Variants in NCOA2 observed in about 807,000 individuals in gnomAD.
The protein encoded by NCOA2 is nuclear receptor coactivator 2.
A neutral mutation model predicts 145.1 loss-of-function variants in NCOA2; 21 were observed. That is an observed-to-expected ratio of 0.14 (90% CI 0.10 to 0.21). NCOA2 has a LOEUF of 0.21. Ranked by LOEUF, NCOA2 falls within the 10% of genes least tolerant of loss-of-function variation. The pLI is 1.00. For missense variants in NCOA2, 1,472 were observed against 1,837.6 expected (o/e 0.80, Z 3.64); for synonymous variants, 619 against 637.5 (o/e 0.97, Z 0.44).
At chr8:70,407,416 A>G (rs144061859), upstream of NCOA2, among the ~76,000 whole-genome samples, 7 of 152,280 alleles carry the variant, frequency 4.6e-5, no homozygotes, top group Middle Eastern at 3.4e-3. Context: ...AATTAATGCA[A>G]AGTCATAGAA....
intron 22 of NCOA2, among the ~76,000 whole-genome samples, chr8:70,118,087 G>A (rs1807350661): frequency 6.6e-6 from 1 of 152,196 alleles, no homozygotes; most frequent in Admixed American, 6.5e-5. Context: ...CGGGGCACCT[G>A]CTCTGCTGGA....
chr8:70,216,772 A>G lies in NCOA2; in HGVS notation c.-19-8T>C. The G allele has an allele frequency of 6.6e-7, 1 of 1,518,682 alleles. No individual in the cohort carries two copies. Among genetic ancestry groups the G allele is most frequent in the Non-Finnish European group, 9.1e-7 (1 of 1,093,572 alleles). The allele number at this position is 1,518,682 out of a possible 1,614,324, so 94.1% of individuals were successfully genotyped here. A position where few individuals can be genotyped will look rare whatever the true frequency, so the allele number is the denominator to read the frequency against. On this transcript the variant is annotated splice_polypyrimidine_tract_variant and splice_region_variant and intron_variant, in intron 2 of 22. Transcript: ENST00000452400. ...TTGAACACATATCAGCAACTAAAACAGAAAACAGAGAAGAGGAAGAAAAAA... is the reference window on the plus strand; with the variant it reads ...TTGAACACATATCAGCAACTAAAACGGAAAACAGAGAAGAGGAAGAAAAAA...
At chr8:70,155,629 G>T (rs912540012) in intron 11 of NCOA2, among the ~76,000 whole-genome samples, 3 of 152,114 alleles carry the variant, frequency 2.0e-5, no homozygotes, top group African/African-American at 7.2e-5. Flanking sequence ...TGTTTTATCG[G>T]AGCAAAGTCA....
At chr8:70,355,997 G>A (rs979908807) in intron 1 of NCOA2, among the ~76,000 whole-genome samples, 1 of 152,156 alleles carries the variant, frequency 6.6e-6, no homozygotes, top group African/African-American at 2.4e-5. Flanking sequence ...TCCAGTAGAA[G>A]TAGAGGGATA....
chr8:70,133,306 C>A (rs973161333), intron 15 of NCOA2, among the ~76,000 whole-genome samples: 3 of 150,240 alleles, frequency 2.0e-5, no homozygotes, highest in Admixed American at 1.3e-4. Flanking sequence ...CATCCTTGAA[C>A]TCCTGGGCTA....
At chr8:70,407,713 T>A (rs187849948), upstream of NCOA2, among the ~76,000 whole-genome samples, 318 of 151,982 alleles carry the variant, frequency 2.1e-3, 1 homozygote, top group Admixed American at 4.3e-3. Flanking sequence ...AGGAGAATTG[T>A]TTGAACCGGG....
intron 1 of NCOA2, among the ~76,000 whole-genome samples, chr8:70,305,379 T>C (rs537139682): frequency 1.2e-4 from 18 of 152,246 alleles, no homozygotes; most frequent in Non-Finnish European, 2.1e-4. Flanking sequence ...CATGACCGCA[T>C]TAAGATATAA....
chr8:70,266,177 A>G (rs1824570980), intron 2 of NCOA2, among the ~76,000 whole-genome samples: 1 of 152,104 alleles, frequency 6.6e-6, no homozygotes, highest in African/African-American at 2.4e-5. Flanking sequence ...CAAACAAACA[A>G]AAAGAGATGG....
chr8:70,143,074 T>A (rs892176702), intron 13 of NCOA2, among the ~76,000 whole-genome samples: 2 of 151,884 alleles, frequency 1.3e-5, no homozygotes, highest in African/African-American at 4.8e-5. Flanking sequence ...CTCAGCCTCC[T>A]GAGTAGCCGG....
chr8:70,322,406 G>A (rs1586486802), intron 1 of NCOA2, among the ~76,000 whole-genome samples: 2 of 152,214 alleles, frequency 1.3e-5, no homozygotes, highest in South Asian at 2.1e-4. Flanking sequence ...GAAAACTGTA[G>A]ATTTCTATAT....
chr8:70,387,764 G>A (rs1035838472), intron 1 of NCOA2, among the ~76,000 whole-genome samples: 1 of 152,144 alleles, frequency 6.6e-6, no homozygotes, highest in Non-Finnish European at 1.5e-5. Flanking sequence ...TGTAACTTTT[G>A]AGGTTAAGTC....
At chr8:70,146,090 T>C (rs902975231) in intron 12 of NCOA2, among the ~76,000 whole-genome samples, 6 of 152,248 alleles carry the variant, frequency 3.9e-5, no homozygotes, top group Non-Finnish European at 8.8e-5. Context: ...GGTTTGGATA[T>C]TAGAACATCA....
Position 70,157,079 on chromosome 8 carries a change from C to T in NCOA2, c.1286G>A (p.Gly429Asp), listed in dbSNP as rs754478496. 1 of 1,613,884 alleles carries T rather than the reference C, an allele frequency of 6.2e-7. No individual in the cohort carries two copies. Among genetic ancestry groups the T allele is most frequent in the Admixed American group, 1.7e-5 (1 of 60,004 alleles). ...LSSNINFPIN[G>D]PKEQMGMPMG... ...GGGCATGCCCATTTGTTCCTTTGGG[C>T]CATTTATGGGAAAATTTATATTGCT... The change falls in exon 11 of 23, where the codon GGC becomes GAC. Residue 429 changes from glycine (G) to aspartate (D), a missense_variant. Coordinates refer to ENST00000452400, the MANE Select transcript of NCOA2 (RefSeq NM_006540.4).
At chr8:70,213,743 C>T (rs1819297665) in intron 4 of NCOA2, among the ~76,000 whole-genome samples, 160 bp downstream of exon 4, 1 of 152,138 alleles carries the variant, frequency 6.6e-6, no homozygotes, top group Non-Finnish European at 1.5e-5. Context: ...ATTTATAAAC[C>T]ACTGCAAGTG....
chr8:70,317,180 T>C (rs1805651545), intron 1 of NCOA2, among the ~76,000 whole-genome samples: 8 of 152,144 alleles, frequency 5.3e-5, no homozygotes, highest in Admixed American at 5.2e-4. Flanking sequence ...TTCACAAAGA[T>C]TTGGATTCTA....
intron 1 of NCOA2, among the ~76,000 whole-genome samples, chr8:70,361,842 A>C (rs1335719766): frequency 2.0e-5 from 3 of 152,258 alleles, no homozygotes; most frequent in African/African-American, 7.2e-5. Flanking sequence ...TTAACAGTGA[A>C]GTAGGAGTTA....
Position 70,128,954 on chromosome 8 carries a change from G to C in NCOA2, c.3351C>G (p.Phe1117Leu). 2.5e-6 allele frequency: 4 copies of C among 1,606,786 alleles called. No individual in the cohort carries two copies. Among genetic ancestry groups the C allele is most frequent in the South Asian group, 2.2e-5 (2 of 89,884 alleles). The change falls in exon 17 of 23, where the codon TTC becomes TTG. Residue 1117 changes from phenylalanine (F) to leucine (L), a missense_variant. By Grantham distance (22) the Phe-to-Leu change is conservative (BLOSUM62 0). Around this residue, in one of 4 missense-constraint regions of NCOA2, gnomAD observed 953 missense variants for 1,062.1 expected, o/e 0.90. Coordinates refer to ENST00000452400, the MANE Select transcript of NCOA2 (RefSeq NM_006540.4). The stretch of plus-strand genomic sequence containing the variant: ...GCATGATGTTGGAATCCTGACTTGA[G>C]AACTGTTCTGGATCTACTGCTTGGC... ...SQSQAVDPEQFSSQDSNIMLE... is the reference protein window; with the variant it reads ...SQSQAVDPEQLSSQDSNIMLE...
chr8:70,279,134 C>T (rs975644676), intron 2 of NCOA2, among the ~76,000 whole-genome samples: 1 of 152,184 alleles, frequency 6.6e-6, no homozygotes, highest in Non-Finnish European at 1.5e-5. Context: ...TCTGCTGCAC[C>T]TATGAGGAAC....
intron 10 of NCOA2, among the ~76,000 whole-genome samples, chr8:70,158,734 A>G (rs537495282): frequency 6.6e-6 from 1 of 152,214 alleles, no homozygotes; most frequent in African/African-American, 2.4e-5. Flanking sequence ...TCTGGGAGAC[A>G]GAGCAAGACT....
Sources: allele counts gnomAD v4.1 joint callset (sites outside exome capture counted in the v4.1 genomes callset), GRCh38; gene constraint gnomAD v4.1.1; regional missense constraint gnomAD v4.1.1; transcripts MANE v1.5; gene names NCBI Gene and HGNC (gene_info 2026-07-23, HGNC 2026-07-21).